SCHIP1: variants seen among roughly 807,000 people sequenced by gnomAD.
The protein encoded by SCHIP1 is schwannomin-interacting protein 1.
A neutral mutation model predicts 29.7 loss-of-function variants in SCHIP1; 8 were observed. The ratio of observed to expected loss-of-function variants is 0.27; its 90% CI spans 0.16 to 0.49. SCHIP1 has a LOEUF of 0.49. Among genes scored for constraint, SCHIP1 ranks in the 20% least tolerant of loss-of-function variants. SCHIP1 has a pLI of 0.99. For synonymous variants in SCHIP1, 76 were observed against 94.9 expected (o/e 0.80, Z 1.16); for missense variants, 193 against 294.6 (o/e 0.66, Z 2.52).
At chr3:159,676,550 A>G in the SCHIP1 span, among the ~76,000 whole-genome samples, 3 of 152,226 alleles carry the variant, frequency 2.0e-5, no homozygotes, top group Non-Finnish European at 4.4e-5. Context: ...AACACAAAGA[A>G]TATTTGAAAC....
the SCHIP1 span, among the ~76,000 whole-genome samples, chr3:159,543,192 T>C: frequency 2.4e-4 from 36 of 150,848 alleles, no homozygotes; most frequent in African/African-American, 8.3e-4. Context: ...TTTTATTTTT[T>C]GTTTTGTTTT....
the SCHIP1 span, among the ~76,000 whole-genome samples, chr3:159,426,039 A>G: frequency 6.6e-6 from 1 of 152,284 alleles, no homozygotes; most frequent in South Asian, 2.1e-4. Flanking sequence ...ACACATTCAA[A>G]GCAGTGTGTA....
chr3:159,888,564 T>C (rs913440632), intron 4 of SCHIP1: 1 of 359,026 alleles, frequency 2.8e-6, no homozygotes, highest in Non-Finnish European at 5.0e-6. Context: ...GCTATAACAT[T>C]GACTCACAAC....
chr3:159,465,194 A>AT, the SCHIP1 span, among the ~76,000 whole-genome samples: 3 of 152,030 alleles, frequency 2.0e-5, no homozygotes, highest in Admixed American at 6.6e-5. Flanking sequence ...AATACTCCTT[A>AT]TTTTTTTGGC....
chr3:159,559,773 C>T, the SCHIP1 span, among the ~76,000 whole-genome samples: 6 of 152,126 alleles, frequency 3.9e-5, no homozygotes, highest in Non-Finnish European at 8.8e-5. Flanking sequence ...CCAGAGTCAT[C>T]AGCTCTGATT....
chr3:159,437,499 G>A, the SCHIP1 span, among the ~76,000 whole-genome samples: 7 of 152,142 alleles, frequency 4.6e-5, no homozygotes, highest in Admixed American at 3.3e-4. Flanking sequence ...GAGGTCTTTA[G>A]TGTCAGGAAC....
At chr3:159,527,012 A>G in the SCHIP1 span, among the ~76,000 whole-genome samples, 1 of 152,228 alleles carries the variant, frequency 6.6e-6, no homozygotes, top group African/African-American at 2.4e-5. Flanking sequence ...GGTCCCACCT[A>G]TTATGACATA....
the SCHIP1 span, among the ~76,000 whole-genome samples, chr3:159,703,272 A>C: frequency 6.6e-6 from 1 of 152,344 alleles, no homozygotes; most frequent in East Asian, 1.9e-4. Context: ...AAACTCCATC[A>C]ACCATTTACA....
At chr3:159,336,927 C>G in the SCHIP1 span, among the ~76,000 whole-genome samples, 1 of 152,056 alleles carries the variant, frequency 6.6e-6, no homozygotes, top group Non-Finnish European at 1.5e-5. Flanking sequence ...TATAAATTAC[C>G]TTGGGCAGTA....
the SCHIP1 span, among the ~76,000 whole-genome samples, chr3:159,593,525 C>T: frequency 7.9e-5 from 12 of 152,178 alleles, no homozygotes; most frequent in South Asian, 2.1e-4. Flanking sequence ...AACCTCTCTG[C>T]GCCTCCATGG....
At chr3:159,468,736 T>C in the SCHIP1 span, among the ~76,000 whole-genome samples, 1 of 138,892 alleles carries the variant, frequency 7.2e-6, no homozygotes, top group Non-Finnish European at 1.5e-5. Flanking sequence ...ATATATAATA[T>C]AATATATAAT....
At chr3:159,784,438 G>A in the SCHIP1 span, among the ~76,000 whole-genome samples, 1 of 152,114 alleles carries the variant, frequency 6.6e-6, no homozygotes, top group Admixed American at 6.5e-5. Context: ...CTTCCCTATG[G>A]AACATTGTAG....
chr3:159,497,603 G>T, the SCHIP1 span, among the ~76,000 whole-genome samples: 2 of 151,686 alleles, frequency 1.3e-5, no homozygotes, highest in Admixed American at 1.3e-4. Context: ...CCAGTGTGTT[G>T]TCTCCTAAAA....
chr3:159,309,512 T>C, the SCHIP1 span, among the ~76,000 whole-genome samples: 3 of 152,166 alleles, frequency 2.0e-5, no homozygotes, highest in Non-Finnish European at 4.4e-5. Context: ...TTTCATGCTA[T>C]ATGGGTATGC....
At chr3:159,632,845 G>A in the SCHIP1 span, among the ~76,000 whole-genome samples, 1 of 152,164 alleles carries the variant, frequency 6.6e-6, no homozygotes, top group African/African-American at 2.4e-5. Flanking sequence ...ACCACAAGGT[G>A]GGGAGATGTG....
intron 2 of SCHIP1, among the ~76,000 whole-genome samples, chr3:159,872,283 A>G (rs993383946): frequency 2.0e-5 from 3 of 152,102 alleles, no homozygotes; most frequent in Admixed American, 1.3e-4. Context: ...GTTGATTAAA[A>G]CCCTGTGTGG....
chr3:159,395,297 G>A, the SCHIP1 span, among the ~76,000 whole-genome samples: 5 of 151,824 alleles, frequency 3.3e-5, no homozygotes, highest in East Asian at 1.9e-4. Flanking sequence ...TTTTTTGAAG[G>A]GTTTTTTGTG....
the SCHIP1 span, among the ~76,000 whole-genome samples, chr3:159,484,396 A>G: frequency 1.3e-5 from 2 of 152,202 alleles, no homozygotes; most frequent in African/African-American, 4.8e-5. Context: ...TGTAGTTGGA[A>G]CTATCATTGC....
chr3:159,541,225 T>C, the SCHIP1 span, among the ~76,000 whole-genome samples: 3 of 152,166 alleles, frequency 2.0e-5, no homozygotes, highest in Middle Eastern at 3.4e-3. Flanking sequence ...TTAGATGAAA[T>C]TGACAGCAAA....
Sources: gnomAD v4.1 joint callset for allele counts (sites outside exome capture counted in the v4.1 genomes callset) on GRCh38, gnomAD v4.1.1 for gene constraint, MANE v1.5 for transcripts, NCBI Gene and HGNC (gene_info 2026-07-23, HGNC 2026-07-21) for gene names.